Variants in MZT2B observed in about 807,000 individuals in gnomAD.
MZT2B encodes the protein mitotic-spindle organizing protein 2B.
A neutral mutation model predicts 12.1 loss-of-function variants in MZT2B; 11 were observed. That is an observed-to-expected ratio of 0.91 (90% CI 0.57 to 1.50). The LOEUF (loss-of-function observed/expected upper bound fraction) is 1.50. Among genes scored for constraint, MZT2B ranks in the 40% most tolerant of loss-of-function variants. MZT2B has a pLI of 0.00. For missense variants in MZT2B, 209 were observed against 227.7 expected, an observed-to-expected ratio of 0.92 and a Z score of 0.53; for synonymous variants, 85 against 109.5, an observed-to-expected ratio of 0.78 and a Z score of 1.40.
At chr2:130,181,703 C>T (rs77887649), upstream of MZT2B, 261 of 1,548,442 alleles carry the variant, frequency 1.7e-4, no homozygotes, top group East Asian at 6.2e-3. Flanking sequence ...GAAGGCCGGC[C>T]GGGCGGGGAA....
intron 2 of MZT2B, among the ~76,000 whole-genome samples, chr2:130,185,787 G>T (rs182481612): frequency 1.8e-3 from 268 of 151,608 alleles, no homozygotes; most frequent in African/African-American, 6.3e-3. Flanking sequence ...GTGAGCGAAT[G>T]GGGGCTCCGA....
At chr2:130,191,842 C>T (rs751375325), downstream of MZT2B, 153 of 1,601,328 alleles carry the variant, frequency 9.6e-5, no homozygotes, top group East Asian at 3.1e-3. Flanking sequence ...CAGTATGCTT[C>T]GCCTTCTTCA....
the MZT2B span, among the ~76,000 whole-genome samples, chr2:130,202,796 T>C: frequency 1.3e-5 from 2 of 152,178 alleles, no homozygotes; most frequent in Non-Finnish European, 2.9e-5. Flanking sequence ...CAGAGGGCAC[T>C]GTGTTATCTG....
chr2:130,183,694 C>T, intron 2 of MZT2B: 2 of 1,548,740 alleles, frequency 1.3e-6, no homozygotes, highest in Non-Finnish European at 1.7e-6. Flanking sequence ...GCACCCACAC[C>T]CGCTGACCCA....
downstream of MZT2B, among the ~76,000 whole-genome samples, chr2:130,193,200 A>C (rs1690311371): frequency 6.6e-6 from 1 of 151,936 alleles, no homozygotes; most frequent in African/African-American, 2.4e-5. Context: ...GGTTGCAGTG[A>C]GCCAGGATCA....
chr2:130,203,323 ACT>A, the MZT2B span, among the ~76,000 whole-genome samples: 1 of 151,980 alleles, frequency 6.6e-6, no homozygotes, highest in East Asian at 1.9e-4. Flanking sequence ...AGTCACAGTG[ACT>A]CTGAGCTGGA....
chr2:130,196,250 A>G, the MZT2B span: 302 of 1,613,956 alleles, frequency 1.9e-4, no homozygotes, highest in Admixed American at 1.0e-3. Flanking sequence ...CCCGCCACCA[A>G]TGGTTTTATC....
chr2:130,183,227 CT>C (rs1689861793), intron 2 of MZT2B: 1 of 273,826 alleles, frequency 3.7e-6, no homozygotes, highest in Non-Finnish European at 7.1e-6. Flanking sequence ...GTCTCGATCT[CT>C]GTCCTGTGGT....
downstream of MZT2B, chr2:130,193,699 T>C: frequency 6.6e-7 from 1 of 1,509,690 alleles, no homozygotes. Flanking sequence ...ACAGGGATAG[T>C]CTCCCCAAAG....
intron 2 of MZT2B, chr2:130,183,383 G>A (rs1689881242): frequency 3.0e-6 from 1 of 336,384 alleles, no homozygotes; most frequent in Non-Finnish European, 5.7e-6. Context: ...AGTCAGACGC[G>A]GAACTCCCAG....
intron 2 of MZT2B, among the ~76,000 whole-genome samples, chr2:130,188,875 C>T (rs903951956): frequency 5.3e-5 from 8 of 151,954 alleles, no homozygotes; most frequent in Non-Finnish European, 1.0e-4. Flanking sequence ...ACAGAAATGA[C>T]CTAATGGATC....
At chr2:130,189,663 G>A (rs1408432705) in intron 2 of MZT2B, among the ~76,000 whole-genome samples, 2 of 152,200 alleles carry the variant, frequency 1.3e-5, no homozygotes, top group South Asian at 2.1e-4. Context: ...CAGTCTTGCC[G>A]ATGCTGTCAA....
the MZT2B span, chr2:130,196,352 T>A: frequency 6.2e-7 from 1 of 1,613,664 alleles, no homozygotes; most frequent in African/African-American, 1.3e-5. Context: ...CTGCCCCACG[T>A]GGATAGAGAT....
chr2:130,181,786 C>T (rs1032254021), upstream of MZT2B: 41 of 1,547,012 alleles, frequency 2.7e-5, no homozygotes, highest in Admixed American at 6.7e-4. Context: ...TGGCGGCCTC[C>T]GGCGCCCCAA....
chr2:130,199,905 G>C, the MZT2B span, among the ~76,000 whole-genome samples: 1 of 152,000 alleles, frequency 6.6e-6, no homozygotes, highest in Non-Finnish European at 1.5e-5. Flanking sequence ...AGACCAGCCT[G>C]GCCAACATGA....
At chr2:130,183,691 C>T (rs773943393) in intron 2 of MZT2B, 2 of 1,547,440 alleles carry the variant, frequency 1.3e-6, no homozygotes, top group East Asian at 2.4e-5. Context: ...TGGGCACCCA[C>T]ACCCGCTGAC....
chr2:130,187,361 A>G (rs1690105694), intron 2 of MZT2B, among the ~76,000 whole-genome samples: 3 of 151,754 alleles, frequency 2.0e-5, no homozygotes, highest in African/African-American at 7.3e-5. Context: ...CTAATTTTTT[A>G]ATTTTTTGTA....
chr2:130,202,404 C>A, the MZT2B span: 2 of 1,290,806 alleles, frequency 1.5e-6, no homozygotes, highest in South Asian at 1.2e-5. Flanking sequence ...GAAGCAGCAC[C>A]GCATGGTGTG....
intron 2 of MZT2B, chr2:130,184,181 G>T: frequency 1.4e-6 from 2 of 1,447,522 alleles, no homozygotes; most frequent in Admixed American, 2.5e-5. Context: ...GCTGGCATCT[G>T]GGGACAGGAC....
Sources: gnomAD v4.1 joint callset for allele counts (sites outside exome capture counted in the v4.1 genomes callset) on GRCh38, gnomAD v4.1.1 for gene constraint, MANE v1.5 for transcripts, NCBI Gene and HGNC (gene_info 2026-07-23, HGNC 2026-07-21) for gene names.